The following SNX21 variants were observed in gnomAD, a reference collection of about 807,000 sequenced individuals.
SNX21 encodes sorting nexin-21.
Under a neutral mutation model 30.9 loss-of-function variants are expected in SNX21, and 36 were observed. The ratio of observed to expected loss-of-function variants is 1.16; its 90% CI spans 0.89 to 1.54. The LOEUF (loss-of-function observed/expected upper bound fraction) is 1.54, where lower values mean the gene tolerates loss of function less well. Ranked by LOEUF, SNX21 falls within the 40% of genes most tolerant of loss-of-function variation. The probability of loss-of-function intolerance (pLI) is 0.00; values close to 1 mark genes in which losing one functional copy is unlikely to be tolerated. For synonymous variants in SNX21, 218 were observed against 222.7 expected, an observed-to-expected ratio of 0.98 and a Z score of 0.19; for missense variants, 508 against 516.5, an observed-to-expected ratio of 0.98 and a Z score of 0.16.
In SNX21 at chr20:45,834,210, G is replaced by A; in HGVS notation, c.31G>A (p.Ala11Thr). 8.5e-6 allele frequency: 13 copies of A among 1,525,782 alleles called. No homozygotes were observed. Among genetic ancestry groups the A allele is most frequent in the Non-Finnish European group, 1.0e-5 (12 of 1,146,210 alleles). The allele number at this position is 1,525,782 out of a possible 1,614,324, so 94.5% of individuals were successfully genotyped here. Residue 11 changes from alanine to threonine, a missense_variant, in exon 2 of 4, where the codon GCC becomes ACC. Coordinates refer to ENST00000491381, the MANE Select transcript of SNX21 (RefSeq NM_033421.4). MHRGTQEGAM[A>T]SRLLHRLRHA... ...CGCGCGCTCCCCCCAGGGTGCCATG[G>A]CCTCCCGGCTCCTGCACCGGCTGCG...
At position 45,842,802 on chromosome 20, in the gene SNX21, G is replaced by A. The variant is rs1032011817; in HGVS notation, c.*1489G>A. 1 of 990,706 alleles carries A rather than the reference G, an allele frequency of 1.0e-6. No homozygotes were observed. The highest frequency in any genetic ancestry group is 1.2e-6 in the Non-Finnish European group (1 of 832,974). 61.4% of individuals were successfully genotyped at this position (990,706 alleles called of 1,614,324 possible). Reference sequence around the variant, plus strand: ...TCCTCACTTCAAGGTTATCAATCTTGGATTGTGATGCTATTGGTACTTGAG... The same window carrying A: ...TCCTCACTTCAAGGTTATCAATCTTAGATTGTGATGCTATTGGTACTTGAG... On this transcript the variant is annotated 3_prime_UTR_variant, in exon 4 of 4. Transcript: ENST00000491381.
In SNX21 at chr20:45,843,048, T is replaced by C; in HGVS notation, c.*1735T>C. ...CCCAATCAGGTTAATCAGAATCACT[T>C]AGAGAACTTAAAAATACAGTTTCCT... On this transcript the variant is annotated 3_prime_UTR_variant, in exon 4 of 4. Transcript: ENST00000491381. The C allele has an allele frequency of 8.7e-7, 1 of 1,150,422 alleles. No homozygotes were observed. Among genetic ancestry groups the C allele is most frequent in the Non-Finnish European group, 1.1e-6 (1 of 922,974 alleles). The allele number at this position is 1,150,422 out of a possible 1,614,324, so 71.3% of individuals were successfully genotyped here. A position where few individuals can be genotyped will look rare whatever the true frequency, so the allele number is the denominator to read the frequency against.
chr20:45,834,535 C>T (rs1983346502), intron 2 of SNX21, 67 bp downstream of exon 2: 20 of 1,489,740 alleles, frequency 1.3e-5, no homozygotes, highest in Non-Finnish European at 1.8e-5. Flanking sequence ...GCCGCGTTCC[C>T]AGAGCATCCA....
At position 45,843,242 on chromosome 20, in the gene SNX21, A is replaced by G. The variant is rs75861238; in HGVS notation, c.*1929A>G. 1.7e-6 allele frequency: 1 copy of G among 574,746 alleles called. No individual in the cohort carries two copies. The highest frequency in any genetic ancestry group is 1.9e-5 in the African/African-American group (1 of 53,640). 35.6% of individuals were successfully genotyped at this position (574,746 alleles called of 1,614,324 possible). On this transcript the variant is annotated 3_prime_UTR_variant, in exon 4 of 4. Coordinates refer to ENST00000491381, the MANE Select transcript of SNX21 (RefSeq NM_033421.4). ...AACTGAGGTTCAGATGGAAGATATG[A>G]TTTGCCTATTGTAATACAAAGAATC...
chr20:45,840,213 C>G, intron 3 of SNX21: 1 of 1,412,476 alleles, frequency 7.1e-7, no homozygotes, highest in African/African-American at 1.4e-5. Flanking sequence ...TTGGAAAAGC[C>G]TGACCAGGGA....
At chr20:45,834,089 G>A (rs1196968003) in intron 1 of SNX21, 112 bp from the exon 2 acceptor site, 2 of 1,398,206 alleles carry the variant, frequency 1.4e-6, no homozygotes, top group East Asian at 2.7e-5. Flanking sequence ...AGGGGGTGGG[G>A]CCTCACCGCG....
intron 3 of SNX21, 31 bp from the exon 4 acceptor site, chr20:45,840,608 G>A (rs768170272): frequency 1.2e-6 from 2 of 1,614,102 alleles, no homozygotes; most frequent in Non-Finnish European, 8.5e-7. Context: ...TGGACAACTT[G>A]CATTTGCCCT....
chr20:45,840,462 A>G, intron 3 of SNX21, 177 bp from the exon 4 acceptor site: 7 of 1,614,214 alleles, frequency 4.3e-6, no homozygotes, highest in Non-Finnish European at 5.9e-6. Flanking sequence ...ACCTCAGGTA[A>G]GATGGGACTG....
chr20:45,841,784 G>T lies in SNX21; in HGVS notation c.*471G>T. 1.3e-6 allele frequency: 2 copies of T among 1,525,916 alleles called. No individual in the cohort carries two copies. 94.5% of individuals were successfully genotyped at this position (1,525,916 alleles called of 1,614,324 possible). ...AAAGGGACTGTAACTCCTGTCTCAG[G>T]AATGGGGATAGATGGGAGGTTCTTG... On this transcript the variant is annotated 3_prime_UTR_variant, in exon 4 of 4. Transcript: ENST00000491381.
chr20:45,842,607 T>C lies in SNX21; in HGVS notation c.*1294T>C, dbSNP rs774542946. ...TCCCTTGCTGGCTTTGGGCCCAAGT[T>C]TGATGTTTATGAGGATGATTGCTGG... On this transcript the variant is annotated 3_prime_UTR_variant, in exon 4 of 4. Coordinates refer to ENST00000491381, the MANE Select transcript of SNX21 (RefSeq NM_033421.4). 39 of 993,246 alleles carry C rather than the reference T, an allele frequency of 3.9e-5. No individual in the cohort carries two copies. Among genetic ancestry groups the C allele is most frequent in the Non-Finnish European group, 4.7e-5 (39 of 834,840 alleles). 61.5% of individuals were successfully genotyped at this position (993,246 alleles called of 1,614,324 possible). A position where few individuals can be genotyped will look rare whatever the true frequency, so the allele number is the denominator to read the frequency against.
At chr20:45,835,579 G>A (rs1983462087) in intron 3 of SNX21, among the ~76,000 whole-genome samples, 1 of 152,154 alleles carries the variant, frequency 6.6e-6, no homozygotes, top group South Asian at 2.1e-4. Context: ...GTCATCTTCC[G>A]TTTCCTCATT....
At chr20:45,834,004 GCGGTC>G in intron 1 of SNX21, 64 bp downstream of exon 1, 1 of 1,414,622 alleles carries the variant, frequency 7.1e-7, no homozygotes, top group South Asian at 1.6e-5. Context: ...GGGGAGGAAC[GCGGTC>G]CTAGGCTGAG....
chr20:45,841,394 C>T lies in SNX21; in HGVS notation c.*81C>T, dbSNP rs1017606788. Reference sequence around the variant, plus strand: ...GAAGGACCTGATGAGAACAGAATAGCTGGGAGGCTGCAGAGGGTGCTGGGA... The same window carrying T: ...GAAGGACCTGATGAGAACAGAATAGTTGGGAGGCTGCAGAGGGTGCTGGGA... On this transcript the variant is annotated 3_prime_UTR_variant, in exon 4 of 4. Transcript: ENST00000491381. 1.3e-5 allele frequency: 19 copies of T among 1,493,694 alleles called. No homozygotes were observed. Among genetic ancestry groups the T allele is most frequent in the Non-Finnish European group, 1.4e-5 (16 of 1,123,622 alleles). 92.5% of individuals were successfully genotyped at this position (1,493,694 alleles called of 1,614,324 possible). A position where few individuals can be genotyped will look rare whatever the true frequency, so the allele number is the denominator to read the frequency against.
Position 45,840,985 on chromosome 20 carries a change from A to G in SNX21, c.794A>G (p.Asn265Ser). 6.2e-7 allele frequency: 1 copy of G among 1,610,606 alleles called. No individual in the cohort carries two copies. The highest frequency in any genetic ancestry group is 8.5e-7 in the Non-Finnish European group (1 of 1,179,152). ...LYREALALWA[N>S]AWQLQAQLGT... ...CGTGAGGCTCTGGCACTCTGGGCCA[A>G]TGCCTGGCAGCTGCAAGCCCAGCTG... The change falls in exon 4 of 4, where the codon AAT (asparagine) becomes AGT (serine). Residue 265 changes from asparagine to serine, a missense_variant. Transcript: ENST00000491381.
chr20:45,841,624 C>G lies in SNX21; in HGVS notation c.*311C>G. On this transcript the variant is annotated 3_prime_UTR_variant, in exon 4 of 4. Transcript: ENST00000491381. The stretch of plus-strand genomic sequence containing the variant: ...GTGGGCCCCCAAGCTGGCAAGGCCT[C>G]TTGGCTGAAGGCCAGGGACTCTGCC... The G allele has an allele frequency of 1.4e-6, 2 of 1,407,192 alleles. No homozygotes were observed. The highest frequency in any genetic ancestry group is 1.8e-6 in the Non-Finnish European group (2 of 1,088,026). 87.2% of individuals were successfully genotyped at this position (1,407,192 alleles called of 1,614,324 possible). A position where few individuals can be genotyped will look rare whatever the true frequency, so the allele number is the denominator to read the frequency against.
chr20:45,836,572 T>C (rs1187964380), intron 3 of SNX21, among the ~76,000 whole-genome samples: 1 of 147,532 alleles, frequency 6.8e-6, no homozygotes. Context: ...GGTGCAGTCA[T>C]AACTCACTAC....
rs1479359951 is a variant in SNX21, at chr20:45,840,362, T to G, written c.448-277T>G. ...GAACTAATGCTCTATGGGAAGGGAG[T>G]ACAAAAAAAGGGGCAGCAGCCCCGG... is the stretch of plus-strand genomic sequence containing the variant. On this transcript the variant is annotated intron_variant, in intron 3 of 3. Coordinates refer to ENST00000491381, the MANE Select transcript of SNX21 (RefSeq NM_033421.4). 4 of 1,612,784 alleles carry G rather than the reference T, an allele frequency of 2.5e-6. No homozygotes were observed. The African/African-American group carries it at 4.0e-5, about 16-fold the overall frequency.
chr20:45,842,253 T>C lies in SNX21; in HGVS notation c.*940T>C, dbSNP rs1984251711. 1 of 1,434,516 alleles carries C rather than the reference T, an allele frequency of 7.0e-7. No individual in the cohort carries two copies. The highest frequency in any genetic ancestry group is 9.1e-7 in the Non-Finnish European group (1 of 1,100,328). The allele number at this position is 1,434,516 out of a possible 1,614,324, so 88.9% of individuals were successfully genotyped here. On this transcript the variant is annotated 3_prime_UTR_variant, in exon 4 of 4. Coordinates refer to ENST00000491381, the MANE Select transcript of SNX21 (RefSeq NM_033421.4). ...CCCTTCATGAGCTTATTATGGACCG[T>C]CATTGAGGGGTAACTCCTCCCACAG...
intron 3 of SNX21, chr20:45,840,383 C>T: frequency 6.2e-7 from 1 of 1,614,120 alleles, no homozygotes; most frequent in South Asian, 1.1e-5. Flanking sequence ...GGGCAGCAGC[C>T]CCGGGCACTG....
Sources: gnomAD v4.1 joint callset for allele counts (sites outside exome capture counted in the v4.1 genomes callset) on GRCh38, gnomAD v4.1.1 for gene constraint, MANE v1.5 for transcripts, NCBI Gene and HGNC (gene_info 2026-07-23, HGNC 2026-07-21) for gene names.